CTNNA3: variants seen among roughly 807,000 people sequenced by gnomAD.
CTNNA3 encodes the protein catenin alpha-3.
CTNNA3 carries 76 observed loss-of-function variants against 95.7 expected under a neutral mutation model. The observed-to-expected ratio is 0.79, with a 90% CI of 0.66 to 0.96. The LOEUF is 0.96. Among genes scored for constraint, CTNNA3 ranks in the 40% least tolerant of loss-of-function variants. The probability of loss-of-function intolerance (pLI) is 0.00; values close to 1 mark genes in which losing one functional copy is unlikely to be tolerated. For missense variants in CTNNA3, 1,191 were observed against 1,089.8 expected (o/e 1.09, Z -1.31); for synonymous variants, 431 against 374.4 (o/e 1.15, Z -1.74).
At chr10:66,901,386 T>C (rs1437505567) in intron 7 of CTNNA3, among the ~76,000 whole-genome samples, 1 of 152,046 alleles carries the variant, frequency 6.6e-6, no homozygotes, top group Non-Finnish European at 1.5e-5. Context: ...GCACTAAACA[T>C]GGAAAGGAAC....
intron 6 of CTNNA3, among the ~76,000 whole-genome samples, chr10:67,213,110 C>T (rs749512945): frequency 2.0e-5 from 3 of 151,696 alleles, no homozygotes; most frequent in African/African-American, 7.2e-5. Context: ...ACTACTAATT[C>T]TATTTAATTA....
chr10:66,606,845 T>C (rs1844141367), intron 10 of CTNNA3, among the ~76,000 whole-genome samples: 1 of 151,850 alleles, frequency 6.6e-6, no homozygotes, highest in Non-Finnish European at 1.5e-5. Context: ...GTTAACAACC[T>C]AACATCACAA....
intron 13 of CTNNA3, among the ~76,000 whole-genome samples, chr10:66,204,908 A>G (rs928863666): frequency 1.3e-5 from 2 of 152,180 alleles, no homozygotes; most frequent in African/African-American, 2.4e-5. Flanking sequence ...TTATTATATA[A>G]TTAATGGCAG....
intron 7 of CTNNA3, among the ~76,000 whole-genome samples, chr10:66,889,493 T>A (rs1433263981): frequency 6.6e-6 from 1 of 152,160 alleles, no homozygotes; most frequent in Non-Finnish European, 1.5e-5. Flanking sequence ...GGTAAATCTA[T>A]CTTCCATTCG....
chr10:66,199,550 T>G (rs931073268), intron 13 of CTNNA3, among the ~76,000 whole-genome samples: 2 of 151,466 alleles, frequency 1.3e-5, no homozygotes, highest in African/African-American at 2.4e-5. Flanking sequence ...ATAAAAACTA[T>G]CAGACATATT....
intron 7 of CTNNA3, among the ~76,000 whole-genome samples, chr10:67,106,745 AG>A (rs1490528882): frequency 6.6e-6 from 1 of 152,226 alleles, no homozygotes; most frequent in African/African-American, 2.4e-5. Context: ...TCCACTGTAT[AG>A]ACCCCAATGC....
chr10:66,428,927 G>A (rs1189637181), intron 11 of CTNNA3, among the ~76,000 whole-genome samples: 19 of 151,892 alleles, frequency 1.3e-4, no homozygotes, highest in Non-Finnish European at 2.2e-4. Flanking sequence ...AGGAGATAGA[G>A]ACACAAAAAA....
At chr10:67,147,531 T>G (rs1255625851) in intron 7 of CTNNA3, among the ~76,000 whole-genome samples, 2 of 152,226 alleles carry the variant, frequency 1.3e-5, no homozygotes, top group African/African-American at 4.8e-5. Flanking sequence ...TCAAATAGCC[T>G]GCTAGATCTA....
chr10:66,055,365 T>C (rs2133551291), intron 15 of CTNNA3, among the ~76,000 whole-genome samples: 1 of 152,346 alleles, frequency 6.6e-6, no homozygotes, highest in South Asian at 2.1e-4. Context: ...ATGAAATATA[T>C]GGCCATTTTT....
chr10:66,826,998 A>G (rs1383810784), intron 7 of CTNNA3, among the ~76,000 whole-genome samples: 2 of 152,138 alleles, frequency 1.3e-5, no homozygotes, highest in Admixed American at 6.5e-5. Flanking sequence ...TTTTCCAAAA[A>G]TTGACTATAT....
chr10:66,978,526 CAAAAA>C (rs1170594360), intron 7 of CTNNA3, among the ~76,000 whole-genome samples: 1 of 42,316 alleles, frequency 2.4e-5, no homozygotes, highest in Non-Finnish European at 3.9e-5. Flanking sequence ...GACTCCATCT[CAAAAA>C]AAAAAAAAAA....
intron 1 of CTNNA3, among the ~76,000 whole-genome samples, chr10:67,760,886 C>T (rs1036462680): frequency 2.0e-5 from 3 of 152,162 alleles, no homozygotes; most frequent in Non-Finnish European, 4.4e-5. Flanking sequence ...AGGGCTCCCA[C>T]TGATTCTACA....
chr10:66,121,676 C>A (rs963276488), intron 13 of CTNNA3, among the ~76,000 whole-genome samples: 4 of 151,986 alleles, frequency 2.6e-5, no homozygotes, highest in East Asian at 1.9e-4. Context: ...ATGGTGAAAC[C>A]CCTCTCTACA....
intron 5 of CTNNA3, among the ~76,000 whole-genome samples, chr10:67,519,264 A>G (rs1401583783): frequency 1.3e-5 from 2 of 152,180 alleles, no homozygotes; most frequent in Non-Finnish European, 2.9e-5. Context: ...TAAAAATATC[A>G]TAGAAGGGGA....
chr10:66,440,833 C>A (rs147492567), intron 11 of CTNNA3, among the ~76,000 whole-genome samples: 3 of 152,146 alleles, frequency 2.0e-5, no homozygotes, highest in Non-Finnish European at 4.4e-5. Context: ...TAGGGCCTGG[C>A]ACACAATAAG....
At chr10:66,103,639 G>A (rs1479557010) in intron 13 of CTNNA3, among the ~76,000 whole-genome samples, 2 of 152,146 alleles carry the variant, frequency 1.3e-5, no homozygotes, top group African/African-American at 2.4e-5. Flanking sequence ...GCCACATATT[G>A]TATGATCCTG....
chr10:67,370,732 G>C (rs1843394579), intron 5 of CTNNA3, among the ~76,000 whole-genome samples: 1 of 152,026 alleles, frequency 6.6e-6, no homozygotes, highest in South Asian at 2.1e-4. Flanking sequence ...TGTGGATAAG[G>C]AGAACTCTGT....
At chr10:66,795,798 C>T (rs767191896) in intron 7 of CTNNA3, among the ~76,000 whole-genome samples, 6 of 152,184 alleles carry the variant, frequency 3.9e-5, no homozygotes, top group Admixed American at 1.3e-4. Context: ...TAACTTGCTG[C>T]ACCTTCTACA....
At chr10:66,085,392 T>C (rs970037528) in intron 14 of CTNNA3, among the ~76,000 whole-genome samples, 4 of 152,124 alleles carry the variant, frequency 2.6e-5, no homozygotes, top group African/African-American at 9.7e-5. Context: ...TTTCATTCAA[T>C]CACCTGGACC....
Sources: gnomAD v4.1 joint callset for allele counts (sites outside exome capture counted in the v4.1 genomes callset) on GRCh38, gnomAD v4.1.1 for gene constraint, MANE v1.5 for transcripts, NCBI Gene and HGNC (gene_info 2026-07-23, HGNC 2026-07-21) for gene names.